The following ZNF518A variants were observed in gnomAD, a reference collection of about 807,000 sequenced individuals.
ZNF518A encodes the protein zinc finger protein 518A, also known as zinc finger protein 518.
A neutral mutation model predicts 102.7 loss-of-function variants in ZNF518A; 47 were observed. The ratio of observed to expected loss-of-function variants is 0.46; its 90% CI spans 0.36 to 0.58. ZNF518A has a LOEUF of 0.58. ZNF518A is among the 20% of genes least tolerant of loss of function. ZNF518A has a pLI of 0.00. For missense variants in ZNF518A, 1,793 were observed against 1,699.8 expected, an observed-to-expected ratio of 1.05 and a Z score of -0.96; for synonymous variants, 652 against 594.6, an observed-to-expected ratio of 1.10 and a Z score of -1.40.
intron 1 of ZNF518A, among the ~76,000 whole-genome samples, chr10:96,190,872 T>C (rs1367899690): frequency 6.6e-6 from 1 of 152,242 alleles, no homozygotes; most frequent in African/African-American, 2.4e-5. Flanking sequence ...TTTTCTGCTC[T>C]TGTTTTGTGG....
rs782062654 is a variant in ZNF518A at position 96,158,158 on chromosome 10, T to C, written c.1836T>C (p.Ser612=). Residue 612 remains serine (S), a synonymous_variant, in exon 6 of 6, where the codon AGT becomes AGC. Coordinates refer to ENST00000316045, the MANE Select transcript of ZNF518A (RefSeq NM_001330736.2). ...NCVAKPNAYN[S]GDMHNYCINY... Reference sequence around the variant, plus strand: ...TTGCCAAACCAAATGCATACAACAGTGGAGATATGCATAATTATTGCATTA... The same window carrying C: ...TTGCCAAACCAAATGCATACAACAGCGGAGATATGCATAATTATTGCATTA... The C allele has an allele frequency of 9.3e-6, 15 of 1,613,416 alleles. No individual in the cohort carries two copies. The South Asian group carries it at 1.6e-4, about 18-fold the overall frequency.
rs1357235716 is a variant in ZNF518A at position 96,136,276 on chromosome 10, GTTTTA to G, written c.-302+2631_-302+2635del. On this transcript the variant is annotated intron_variant, in intron 3 of 5. Coordinates refer to ENST00000316045, the MANE Select transcript of ZNF518A (RefSeq NM_001330736.2). ...ATTACTCATTTTGGCAAAAACCTTT[GTTTTA>G]TTCATCTGTCTTGAAGATTTTTTAA... Among the ~76,000 whole-genome samples, 5 of 151,542 alleles carry G rather than the reference GTTTTA, an allele frequency of 3.3e-5. No individual in the cohort carries two copies. In the East Asian group the frequency reaches 7.9e-4, roughly 24 times the overall value.
intron 1 of ZNF518A, chr10:96,190,078 C>T: frequency 1.2e-6 from 1 of 859,018 alleles, no homozygotes; most frequent in Non-Finnish European, 2.0e-6. Context: ...AGCCCCTAAA[C>T]TGACCGTTCT....
rs2082935220 is a variant in ZNF518A, at chr10:96,160,180, A to G, written c.3858A>G (p.Gln1286=). The G allele has an allele frequency of 6.2e-7, 1 of 1,608,820 alleles. No homozygotes were observed. The highest frequency in any genetic ancestry group is 1.1e-5 in the South Asian group (1 of 90,240). Reference sequence around the variant, plus strand: ...AACGAAAGTGTAGGGATAGTTACCAAGAACCTCCAAGAAGAAAAGCAACAT... The same window carrying G: ...AACGAAAGTGTAGGGATAGTTACCAGGAACCTCCAAGAAGAAAAGCAACAT... ...NCKRKCRDSY[Q]EPPRRKATLH... The change falls in exon 6 of 6, where the codon CAA becomes CAG. Residue 1286 remains glutamine, a synonymous_variant. Coordinates refer to ENST00000316045, the MANE Select transcript of ZNF518A (RefSeq NM_001330736.2).
At chr10:96,138,833 T>G (rs2081754969) in intron 3 of ZNF518A, among the ~76,000 whole-genome samples, 1 of 152,082 alleles carries the variant, frequency 6.6e-6, no homozygotes, top group Non-Finnish European at 1.5e-5. Context: ...GCAACTTATA[T>G]TCCGGTGGTA....
At chr10:96,168,547 A>G (rs1229914289), downstream of ZNF518A, among the ~76,000 whole-genome samples, 1 of 151,946 alleles carries the variant, frequency 6.6e-6, no homozygotes, top group African/African-American at 2.4e-5. Flanking sequence ...TGCTAGCAAC[A>G]AACTCAGCTT....
intron 2 of ZNF518A, among the ~76,000 whole-genome samples, chr10:96,133,130 T>G (rs2081422200): frequency 6.6e-6 from 1 of 152,190 alleles, no homozygotes; most frequent in African/African-American, 2.4e-5. Context: ...ACTTAACATT[T>G]TATTAGAAAT....
intron 3 of ZNF518A, among the ~76,000 whole-genome samples, chr10:96,152,889 T>A (rs1001122242): frequency 2.6e-5 from 4 of 152,226 alleles, no homozygotes; most frequent in African/African-American, 9.6e-5. Flanking sequence ...AGCATGTGAC[T>A]ATATATAGAT....
downstream of ZNF518A, among the ~76,000 whole-genome samples, chr10:96,165,385 G>A (rs2083123272): frequency 6.7e-6 from 1 of 150,122 alleles, no homozygotes; most frequent in African/African-American, 2.4e-5. Context: ...GGGATTATAG[G>A]CATGAGCCAC....
chr10:96,204,401 A>T, downstream of ZNF518A: 1 of 1,070,538 alleles, frequency 9.3e-7, no homozygotes. Flanking sequence ...TTTAACACGT[A>T]ACTGCAAAAC....
rs2082836824 is a variant in ZNF518A at position 96,158,733 on chromosome 10, C to T, written c.2411C>T (p.Thr804Ile). 2 of 1,613,200 alleles carry T rather than the reference C, an allele frequency of 1.2e-6. No individual in the cohort carries two copies. Among genetic ancestry groups the T allele is most frequent in the Non-Finnish European group, 8.5e-7 (1 of 1,179,540 alleles). The change falls in exon 6 of 6, where the codon ACT becomes ATT. Residue 804 changes from threonine (T) to isoleucine (I), a missense_variant. By Grantham distance (89) the Thr-to-Ile change is moderately conservative. This residue lies in a region of ZNF518A where 1,741 missense variants were observed against 1,622.6 expected (regional missense o/e 1.07). Transcript: ENST00000316045. ...KPDVKQDSSN[T>I]PNKGLPLHCD... ...GATGTAAAACAAGACTCTAGTAACA[C>T]TCCAAATAAAGGCTTGCCACTTCAT...
At chr10:96,174,598 T>A in intron 1 of ZNF518A, among the ~76,000 whole-genome samples, 1 of 152,206 alleles carries the variant, frequency 6.6e-6, no homozygotes, top group African/African-American at 2.4e-5. Flanking sequence ...AAAACTATTT[T>A]AAAAAATGGC....
Position 96,159,795 on chromosome 10 carries a change from A to G in ZNF518A, c.3473A>G (p.Asn1158Ser). The G allele has an allele frequency of 2.5e-6, 4 of 1,613,704 alleles. No individual in the cohort carries two copies. Among genetic ancestry groups the G allele is most frequent in the Non-Finnish European group, 2.5e-6 (3 of 1,179,784 alleles). The stretch of plus-strand genomic sequence containing the variant: ...CCTGTTTTAAATGTGACTGCTGCTA[A>G]TAATCTGTCAGTAAGCAACTCTGCA... ...FNPVLNVTAANNLSVSNSASS... is the reference protein window; with the variant it reads ...FNPVLNVTAASNLSVSNSASS... Residue 1158 changes from asparagine to serine, a missense_variant, in exon 6 of 6, where the codon AAT becomes AGT. This residue lies in a region of ZNF518A where 1,741 missense variants were observed against 1,622.6 expected (regional missense o/e 1.07). Transcript: ENST00000316045.
At chr10:96,201,740 ATTCATTCATTCATT>A (rs2083644835) in intron 1 of ZNF518A, among the ~76,000 whole-genome samples, 3 of 148,074 alleles carry the variant, frequency 2.0e-5, no homozygotes, top group Non-Finnish European at 4.4e-5. Flanking sequence ...ACTTATCTGC[ATTCATTCATTCATT>A]CATTCATTCA....
chr10:96,203,347 A>T (rs890857205), intron 1 of ZNF518A, among the ~76,000 whole-genome samples: 1 of 152,224 alleles, frequency 6.6e-6, no homozygotes, highest in African/African-American at 2.4e-5. Context: ...TTAAAAATTT[A>T]AAAAGCCAAT....
intron 3 of ZNF518A, among the ~76,000 whole-genome samples, chr10:96,142,305 GGTGTGTGTGTGTGTGT>G (rs60624825): frequency 9.1e-4 from 95 of 104,128 alleles, no homozygotes; most frequent in Admixed American, 2.3e-3. Flanking sequence ...ATATTCTTAG[GGTGTGTGTGTGTGTGT>G]GTGTGTGTGT....
chr10:96,199,835 C>A (rs2083581462), intron 1 of ZNF518A: 1 of 247,288 alleles, frequency 4.0e-6, no homozygotes, highest in African/African-American at 2.3e-5. Context: ...AGCAGCCTGG[C>A]CAACATGGTA....
rs782449061 is a variant in ZNF518A at position 96,160,556 on chromosome 10, C to T, written c.4234C>T (p.Pro1412Ser). The T allele has an allele frequency of 6.2e-7, 1 of 1,611,430 alleles. No individual in the cohort carries two copies. The highest frequency in any genetic ancestry group is 1.1e-5 in the South Asian group (1 of 90,502). Residue 1412 changes from proline (P) to serine (S), a missense_variant, in exon 6 of 6, where the codon CCT becomes TCT. Physicochemically the swap from Pro to Ser is moderately conservative, Grantham distance 74. Coordinates refer to ENST00000316045, the MANE Select transcript of ZNF518A (RefSeq NM_001330736.2). The stretch of plus-strand genomic sequence containing the variant: ...TTCCAAGAGGCACAAAACATTTAAA[C>T]CTGTTAGTTCTGTGAAAGAAAGATT... ...DFSKRHKTFK[P>S]VSSVKERFVL...
intron 1 of ZNF518A, 90 bp from the exon 2 acceptor site, chr10:96,132,496 T>A (rs1176086233): frequency 1.3e-5 from 2 of 149,994 alleles, no homozygotes; most frequent in Middle Eastern, 3.5e-3. Context: ...TTTTTTTTTT[T>A]ACATTTCTTT....
Sources: allele counts gnomAD v4.1 joint callset (sites outside exome capture counted in the v4.1 genomes callset), GRCh38; gene constraint gnomAD v4.1.1; regional missense constraint gnomAD v4.1.1; transcripts MANE v1.5; gene names NCBI Gene and HGNC (gene_info 2026-07-23, HGNC 2026-07-21).